The following GUCA1C variants were observed in gnomAD, a reference collection of about 807,000 sequenced individuals.
GUCA1C encodes guanylyl cyclase-activating protein 3.
Under a neutral mutation model 16.2 loss-of-function variants are expected in GUCA1C, and 15 were observed. That is an observed-to-expected ratio of 0.93 (90% CI 0.62 to 1.43). The LOEUF (loss-of-function observed/expected upper bound fraction) is 1.43, where lower values mean the gene tolerates loss of function less well. Ranked by LOEUF, GUCA1C falls within the 40% of genes most tolerant of loss-of-function variation. The probability of loss-of-function intolerance (pLI) is 0.00; values close to 1 mark genes in which losing one functional copy is unlikely to be tolerated. For missense variants in GUCA1C, 275 were observed against 244.8 expected, an observed-to-expected ratio of 1.12 and a Z score of -0.82; for synonymous variants, 78 against 85.4, an observed-to-expected ratio of 0.91 and a Z score of 0.48.
chr3:108,910,366 A>T (rs901921077), intron 3 of GUCA1C, among the ~76,000 whole-genome samples: 1 of 151,740 alleles, frequency 6.6e-6, no homozygotes, highest in East Asian at 2.0e-4. Flanking sequence ...AGCGTGGTGG[A>T]GGGCGCCTGT....
intron 1 of GUCA1C, among the ~76,000 whole-genome samples, chr3:108,943,874 TGTTTA>T (rs1166840538): frequency 6.6e-6 from 1 of 152,118 alleles, no homozygotes; most frequent in Non-Finnish European, 1.5e-5. Context: ...GAACATACGG[TGTTTA>T]GTTTTCCATT....
At chr3:108,914,231 T>C (rs16854924) in intron 3 of GUCA1C, among the ~76,000 whole-genome samples, 16,019 of 152,206 alleles carry the variant, frequency 0.11, 1,248 homozygotes, top group East Asian at 0.37. Flanking sequence ...ACCTCAGCTA[T>C]TGCCCAGGCA....
chr3:108,924,255 T>C (rs1045701680), intron 1 of GUCA1C, among the ~76,000 whole-genome samples: 7 of 152,224 alleles, frequency 4.6e-5, no homozygotes, highest in Admixed American at 1.3e-4. Flanking sequence ...CTTTTACCCA[T>C]TCAGTATGAT....
chr3:108,935,865 C>T (rs1946722369), intron 1 of GUCA1C, among the ~76,000 whole-genome samples: 1 of 152,008 alleles, frequency 6.6e-6, no homozygotes, highest in Non-Finnish European at 1.5e-5. Context: ...CAACAGAAAA[C>T]CAGAAGTGGA....
intron 1 of GUCA1C, among the ~76,000 whole-genome samples, chr3:108,922,504 G>A (rs772409616): frequency 2.0e-5 from 3 of 151,688 alleles, no homozygotes; most frequent in Non-Finnish European, 4.4e-5. Context: ...AACATTTGTT[G>A]TTTTTTTTAT....
chr3:108,908,343 A>T (rs1273443498), intron 3 of GUCA1C, 134 bp from the exon 4 acceptor site: 13 of 402,818 alleles, frequency 3.2e-5, no homozygotes, highest in Non-Finnish European at 4.6e-5. Context: ...ATCTTTGAAG[A>T]TCTTCATTTA....
intron 1 of GUCA1C, among the ~76,000 whole-genome samples, chr3:108,924,404 G>T (rs1021199319): frequency 1.3e-5 from 2 of 152,044 alleles, no homozygotes; most frequent in African/African-American, 4.8e-5. Flanking sequence ...ACATGATCAT[G>T]TGATTTTTTT....
chr3:108,908,105 A>C lies in GUCA1C; in HGVS notation c.547T>G (p.Cys183Gly). The C allele has an allele frequency of 6.2e-7, 1 of 1,613,862 alleles. No individual in the cohort carries two copies. The highest frequency in any genetic ancestry group is 8.5e-7 in the Non-Finnish European group (1 of 1,179,748). The change falls in exon 4 of 4, where the codon TGT becomes GGT. Residue 183 changes from cysteine (C) to glycine (G), a missense_variant. By Grantham distance (159) the Cys-to-Gly change is radical. Transcript: ENST00000261047. ...FDFSNVLRVI[C>G]NGKQPDMETD... ...TCCATGTCTGGCTGCTTCCCATTAC[A>C]GATTACTCTCAGCACATTGGAGAAG...
In GUCA1C at chr3:108,908,060, G is replaced by T; in HGVS notation, c.592C>A (p.Pro198Thr). 6.2e-7 allele frequency: 1 copy of T among 1,613,674 alleles called. No homozygotes were observed. Among genetic ancestry groups the T allele is most frequent in the Non-Finnish European group, 8.5e-7 (1 of 1,179,788 alleles). ...PDMETDSSKSPDKAGLGKVKM... is the reference protein window; with the variant it reads ...PDMETDSSKSTDKAGLGKVKM... The stretch of plus-strand genomic sequence containing the variant: ...ACCTTCCCTAGACCAGCCTTGTCAG[G>T]AGATTTGGAGGAGTCTGTCTCCATG... The change falls in exon 4 of 4, where the codon CCT becomes ACT. Residue 198 changes from proline to threonine, a missense_variant. By Grantham distance (38) the Pro-to-Thr change is conservative. Coordinates refer to ENST00000261047, the MANE Select transcript of GUCA1C (RefSeq NM_005459.4).
At chr3:108,936,007 G>A (rs1193399390) in intron 1 of GUCA1C, among the ~76,000 whole-genome samples, 1 of 152,102 alleles carries the variant, frequency 6.6e-6, no homozygotes, top group Non-Finnish European at 1.5e-5. Flanking sequence ...GCTTATGCTT[G>A]TAATCCCACC....
At chr3:108,931,862 C>CTTT (rs560213627) in intron 1 of GUCA1C, among the ~76,000 whole-genome samples, 4 of 111,482 alleles carry the variant, frequency 3.6e-5, no homozygotes, top group South Asian at 2.5e-4. Context: ...TTTTTTCTTC[C>CTTT]TTCTTTTTTT....
In GUCA1C at chr3:108,917,774, G is replaced by C. The variant is rs113599930; in HGVS notation, c.355-1560C>G. Among the ~76,000 whole-genome samples, 11 of 152,228 alleles carry C rather than the reference G, an allele frequency of 7.2e-5. 1 individual carries two copies. Among genetic ancestry groups the C allele is most frequent in the African/African-American group, 2.2e-4 (9 of 41,534 alleles). On this transcript the variant is annotated intron_variant, in intron 2 of 3. Transcript: ENST00000261047. ...TTTCTTAAAATCTGCAGCCGGGCAC[G>C]GTGACTCATACCTTTGGTCCCAGCA...
At chr3:108,940,867 G>C (rs1452768929) in intron 1 of GUCA1C, among the ~76,000 whole-genome samples, 1 of 152,160 alleles carries the variant, frequency 6.6e-6, no homozygotes, top group African/African-American at 2.4e-5. Flanking sequence ...GGCAGCATAG[G>C]TCTTGTCCCA....
chr3:108,921,933 C>G (rs1021871446), intron 1 of GUCA1C, among the ~76,000 whole-genome samples: 2 of 152,014 alleles, frequency 1.3e-5, no homozygotes, highest in African/African-American at 4.8e-5. Context: ...CCCTCGCCAC[C>G]CTCTACCCTT....
In GUCA1C at chr3:108,910,742, C is replaced by T. The variant is rs561784763; in HGVS notation, c.443-2533G>A. Among the ~76,000 whole-genome samples, 92 of 151,776 alleles carry T rather than the reference C, an allele frequency of 6.1e-4. 1 individual carries two copies. Among genetic ancestry groups the T allele is most frequent in the Middle Eastern group, 3.4e-3 (1 of 294 alleles). On this transcript the variant is annotated intron_variant, in intron 3 of 3. Transcript: ENST00000261047. ...TCGGCTGACTGCAAGCTCCGCCTCC[C>T]GGGTTCACATCATTCTCCTGTCTCA...
intron 1 of GUCA1C, among the ~76,000 whole-genome samples, chr3:108,924,056 C>T (rs115545963): frequency 0.019 from 2,902 of 152,180 alleles, 86 homozygotes; most frequent in African/African-American, 0.066. Context: ...TTGGAGGAGT[C>T]TTTAGAGTTC....
Position 108,924,905 on chromosome 3 carries a change from T to C in GUCA1C, c.205-4320A>G, listed in dbSNP as rs181205160. Among the ~76,000 whole-genome samples, 5 of 152,258 alleles carry C rather than the reference T, an allele frequency of 3.3e-5. No individual in the cohort carries two copies. In the East Asian group the frequency reaches 9.6e-4, roughly 29 times the overall value. ...TTATCCATTTCCTCTAGGTTTTCTA[T>C]TTTATGCACAAAAAGGTGTTCATAG... On this transcript the variant is annotated intron_variant, in intron 1 of 3. Coordinates refer to ENST00000261047, the MANE Select transcript of GUCA1C (RefSeq NM_005459.4).
chr3:108,923,695 G>A (rs772633082), intron 1 of GUCA1C, among the ~76,000 whole-genome samples: 1 of 152,014 alleles, frequency 6.6e-6, no homozygotes, highest in Non-Finnish European at 1.5e-5. Context: ...GTGAAAAATG[G>A]TGGTATTTTG....
chr3:108,909,058 A>G lies in GUCA1C; in HGVS notation c.443-849T>C, dbSNP rs75521562. Among the ~76,000 whole-genome samples, 579 of 152,328 alleles carry G rather than the reference A, an allele frequency of 3.8e-3. 4 individuals are homozygous for G. Among genetic ancestry groups the G allele is most frequent in the East Asian group, 0.027 (140 of 5,186 alleles). On this transcript the variant is annotated intron_variant, in intron 3 of 3. Coordinates refer to ENST00000261047, the MANE Select transcript of GUCA1C (RefSeq NM_005459.4). Reference sequence around the variant, plus strand: ...CTGGAGAAAGTACATTCAAGGAAGGAAGTCAACAGGGACTGAAGTCAGGTG... The same window carrying G: ...CTGGAGAAAGTACATTCAAGGAAGGGAGTCAACAGGGACTGAAGTCAGGTG...
Sources: allele counts gnomAD v4.1 joint callset (sites outside exome capture counted in the v4.1 genomes callset), GRCh38; gene constraint gnomAD v4.1.1; transcripts MANE v1.5; gene names NCBI Gene and HGNC (gene_info 2026-07-23, HGNC 2026-07-21).